Variants in SCHIP1 observed in about 807,000 individuals in gnomAD.
SCHIP1 encodes the protein schwannomin interacting protein 1.
SCHIP1 carries 8 observed loss-of-function variants against 29.7 expected under a neutral mutation model. The observed-to-expected ratio is 0.27, with a 90% CI of 0.16 to 0.49. The LOEUF is 0.49. Ranked by LOEUF, SCHIP1 falls within the 20% of genes least tolerant of loss-of-function variation. SCHIP1 has a pLI of 0.99. For missense variants in SCHIP1, 193 were observed against 294.6 expected (o/e 0.66, Z 2.52); for synonymous variants, 76 against 94.9 (o/e 0.80, Z 1.16).
chr3:159,816,770 C>G, the SCHIP1 span, among the ~76,000 whole-genome samples: 2 of 152,334 alleles, frequency 1.3e-5, no homozygotes, highest in African/African-American at 4.8e-5. Context: ...TCTAACAAAA[C>G]CAGTCTGCTG....
chr3:159,750,358 G>A, the SCHIP1 span, among the ~76,000 whole-genome samples: 106,067 of 148,410 alleles, frequency 0.71, 38,434 homozygotes, highest in Middle Eastern at 0.9. Flanking sequence ...TTATATGTTT[G>A]CTTTTCAGTT....
chr3:159,553,427 T>G, the SCHIP1 span, among the ~76,000 whole-genome samples: 1 of 122,604 alleles, frequency 8.2e-6, no homozygotes, highest in Admixed American at 9.0e-5. Flanking sequence ...CAGATGTTAT[T>G]GTCTAGATGT....
chr3:159,274,338 C>A, the SCHIP1 span: 1 of 980,420 alleles, frequency 1.0e-6, no homozygotes, highest in Non-Finnish European at 1.2e-6. Context: ...ACCAAAAGAA[C>A]AAATGTCTAG....
the SCHIP1 span, among the ~76,000 whole-genome samples, chr3:159,619,545 T>A: frequency 6.6e-6 from 1 of 152,192 alleles, no homozygotes; most frequent in Non-Finnish European, 1.5e-5. Context: ...TCAGCACCCA[T>A]CTCTTTTGAG....
chr3:159,460,892 T>C, the SCHIP1 span, among the ~76,000 whole-genome samples: 1 of 152,282 alleles, frequency 6.6e-6, no homozygotes, highest in East Asian at 1.9e-4. Flanking sequence ...AAATCTGTAG[T>C]GTTCCTTTGC....
the SCHIP1 span, among the ~76,000 whole-genome samples, chr3:159,372,571 A>AAATC: frequency 6.6e-6 from 1 of 152,030 alleles, no homozygotes; most frequent in Non-Finnish European, 1.5e-5. Flanking sequence ...GTACACTTTG[A>AAATC]AATCAATTGC....
the SCHIP1 span, among the ~76,000 whole-genome samples, chr3:159,479,371 TC>T: frequency 2.0e-5 from 3 of 152,138 alleles, no homozygotes; most frequent in Non-Finnish European, 4.4e-5. Context: ...AAGCTGAAAT[TC>T]CCAGATGTCA....
the SCHIP1 span, among the ~76,000 whole-genome samples, chr3:159,728,247 T>A: frequency 1.3e-5 from 2 of 152,170 alleles, no homozygotes; most frequent in Non-Finnish European, 2.9e-5. Flanking sequence ...AGGCAGGGGA[T>A]AAAGACTAAG....
the SCHIP1 span, chr3:159,273,505 C>T: frequency 7.2e-6 from 8 of 1,113,580 alleles, no homozygotes; most frequent in East Asian, 2.8e-4. Flanking sequence ...CTCTGTTCTC[C>T]GAGTAGCCTT....
chr3:159,732,085 A>T, the SCHIP1 span, among the ~76,000 whole-genome samples: 7 of 152,304 alleles, frequency 4.6e-5, no homozygotes, highest in East Asian at 1.4e-3. Context: ...AACTCAGGTG[A>T]TCCACCTGCC....
the SCHIP1 span, among the ~76,000 whole-genome samples, chr3:159,770,176 C>G: frequency 2.0e-5 from 3 of 152,258 alleles, no homozygotes; most frequent in Non-Finnish European, 4.4e-5. Context: ...TGTGGATATA[C>G]CATTTTCATC....
At chr3:159,781,280 A>G in the SCHIP1 span, among the ~76,000 whole-genome samples, 2 of 152,068 alleles carry the variant, frequency 1.3e-5, no homozygotes, top group Non-Finnish European at 2.9e-5. Context: ...GGTTCAAGCG[A>G]TTCACCTGCC....
chr3:159,670,958 A>G, the SCHIP1 span, among the ~76,000 whole-genome samples: 4 of 152,032 alleles, frequency 2.6e-5, no homozygotes, highest in African/African-American at 9.7e-5. Flanking sequence ...AAAATGTAGG[A>G]CCCTTGTTCA....
At chr3:159,750,825 A>G in the SCHIP1 span, among the ~76,000 whole-genome samples, 5 of 152,076 alleles carry the variant, frequency 3.3e-5, no homozygotes, top group African/African-American at 1.2e-4. Flanking sequence ...TGTATATAAC[A>G]GCAACACTCC....
At chr3:159,773,483 C>A in the SCHIP1 span, among the ~76,000 whole-genome samples, 1 of 152,104 alleles carries the variant, frequency 6.6e-6, no homozygotes, top group South Asian at 2.1e-4. Context: ...TGACCTGTGC[C>A]CCCACTTCAG....
At chr3:159,765,097 G>T in the SCHIP1 span, 1 of 1,572,680 alleles carries the variant, frequency 6.4e-7, no homozygotes, top group East Asian at 2.3e-5. Context: ...CCGGGAGCAG[G>T]AGGTACGGAA....
At chr3:159,431,732 C>G in the SCHIP1 span, among the ~76,000 whole-genome samples, 1 of 151,412 alleles carries the variant, frequency 6.6e-6, no homozygotes, top group African/African-American at 2.4e-5. Flanking sequence ...TCACTTGAAC[C>G]TGGGAGGCAG....
the SCHIP1 span, among the ~76,000 whole-genome samples, chr3:159,340,379 T>C: frequency 3.4e-4 from 51 of 152,158 alleles, no homozygotes; most frequent in Non-Finnish European, 7.1e-4. Flanking sequence ...ATTATCAAAA[T>C]TCAATTTATA....
the SCHIP1 span, among the ~76,000 whole-genome samples, chr3:159,280,979 G>T: frequency 6.6e-6 from 1 of 152,164 alleles, no homozygotes; most frequent in East Asian, 1.9e-4. Context: ...AGTAATCCAC[G>T]ATTGCATGTG....
Sources: gnomAD v4.1 joint callset for allele counts (sites outside exome capture counted in the v4.1 genomes callset) on GRCh38, gnomAD v4.1.1 for gene constraint, MANE v1.5 for transcripts, NCBI Gene and HGNC (gene_info 2026-07-23, HGNC 2026-07-21) for gene names.